The following CCDC198 variants were observed in gnomAD, a reference collection of about 807,000 sequenced individuals.
CCDC198 encodes factor associated with metabolism and energy.
A neutral mutation model predicts 35.6 loss-of-function variants in CCDC198; 18 were observed. The observed-to-expected ratio is 0.51, with a 90% CI of 0.35 to 0.75. The LOEUF is 0.75. CCDC198 is among the 30% of genes least tolerant of loss of function. The probability of loss-of-function intolerance (pLI) is 0.01; values close to 1 mark genes in which losing one functional copy is unlikely to be tolerated. For missense variants in CCDC198, 365 were observed against 343.7 expected (o/e 1.06, Z -0.49); for synonymous variants, 119 against 113.4 (o/e 1.05, Z -0.31).
intron 5 of CCDC198, chr14:57,478,351 C>T: frequency 1.7e-6 from 1 of 571,718 alleles, no homozygotes; most frequent in South Asian, 7.7e-5. Context: ...CTGGCTCTAT[C>T]ACCCTGGGGC....
intron 3 of CCDC198, among the ~76,000 whole-genome samples, 196 bp from the exon 4 acceptor site, chr14:57,481,856 T>A (rs1430451365): frequency 6.6e-6 from 1 of 152,236 alleles, no homozygotes; most frequent in Non-Finnish European, 1.5e-5. Context: ...AAGTGGCTCT[T>A]TGATGTGTAT....
chr14:57,477,717 A>AGAT (rs1432977344), intron 5 of CCDC198, among the ~76,000 whole-genome samples: 1 of 152,064 alleles, frequency 6.6e-6, no homozygotes, highest in Non-Finnish European at 1.5e-5. Context: ...GTTTGTTTTG[A>AGAT]GATGGAGTCT....
intron 2 of CCDC198, among the ~76,000 whole-genome samples, chr14:57,486,518 A>T (rs141223899): frequency 1.4e-4 from 21 of 151,912 alleles, no homozygotes; most frequent in Non-Finnish European, 2.5e-4. Context: ...AGAGATTGAG[A>T]TTCAACAGGT....
intron 5 of CCDC198, among the ~76,000 whole-genome samples, chr14:57,477,578 G>A (rs1395518264): frequency 1.3e-5 from 2 of 152,148 alleles, no homozygotes; most frequent in African/African-American, 4.8e-5. Flanking sequence ...GGGTTATCTA[G>A]TCCATCTAAG....
chr14:57,475,153 C>T (rs183903427), intron 5 of CCDC198, among the ~76,000 whole-genome samples: 82 of 151,420 alleles, frequency 5.4e-4, no homozygotes, highest in African/African-American at 1.6e-3. Flanking sequence ...CCCAGCTACT[C>T]GGGAGGCTGA....
At chr14:57,478,373 C>T in intron 5 of CCDC198, 1 of 784,686 alleles carries the variant, frequency 1.3e-6, no homozygotes, top group Non-Finnish European at 1.5e-6. Flanking sequence ...AATAGTAGCT[C>T]CTACCTTCTA....
At chr14:57,488,581 G>A (rs569523169) in intron 2 of CCDC198, among the ~76,000 whole-genome samples, 1 of 152,190 alleles carries the variant, frequency 6.6e-6, no homozygotes, top group Admixed American at 6.6e-5. Context: ...ATAAGACATA[G>A]TCTTTGCAAC....
chr14:57,480,411 G>C (rs2067142458), intron 5 of CCDC198, 184 bp downstream of exon 5: 3 of 778,882 alleles, frequency 3.9e-6, no homozygotes, highest in Non-Finnish European at 4.7e-6. Context: ...TTAAGCTTCT[G>C]TCTTTTCCTC....
intron 5 of CCDC198, among the ~76,000 whole-genome samples, chr14:57,477,348 G>T (rs2067034578): frequency 6.6e-6 from 1 of 152,126 alleles, no homozygotes; most frequent in African/African-American, 2.4e-5. Context: ...TCAGCAATAG[G>T]CAAGTGAGTT....
At chr14:57,475,741 T>C in intron 5 of CCDC198, 1 of 420,006 alleles carries the variant, frequency 2.4e-6, no homozygotes, top group Non-Finnish European at 4.7e-6. Flanking sequence ...ATTCTATCCT[T>C]CTTCAGTTTT....
intron 2 of CCDC198, among the ~76,000 whole-genome samples, chr14:57,484,276 G>T (rs1002794669): frequency 1.3e-5 from 2 of 152,140 alleles, no homozygotes; most frequent in East Asian, 3.9e-4. Context: ...ATATGATAAC[G>T]TCCTCATTAA....
chr14:57,493,418 G>A (rs1350537973), intron 1 of CCDC198, 75 bp downstream of exon 1: 1 of 1,259,068 alleles, frequency 7.9e-7, no homozygotes, highest in Non-Finnish European at 1.1e-6. Flanking sequence ...TGAGATCATG[G>A]AGACAGTCAG....
At chr14:57,473,261 C>T (rs1318327871) in intron 5 of CCDC198, among the ~76,000 whole-genome samples, 2 of 152,140 alleles carry the variant, frequency 1.3e-5, no homozygotes, top group African/African-American at 2.4e-5. Context: ...TGGCAGATAA[C>T]CATCTTAACG....
chr14:57,472,941 A>G (rs2066866305), intron 5 of CCDC198, among the ~76,000 whole-genome samples: 1 of 152,216 alleles, frequency 6.6e-6, no homozygotes, highest in East Asian at 1.9e-4. Context: ...TGTCATCTTA[A>G]TGATGATTGT....
At position 57,480,605 on chromosome 14, in the gene CCDC198, G is replaced by C; in HGVS notation, c.645C>G (p.Asn215Lys). The C allele has an allele frequency of 1.2e-6, 2 of 1,613,938 alleles. No homozygotes were observed. Among genetic ancestry groups the C allele is most frequent in the Non-Finnish European group, 1.7e-6 (2 of 1,179,964 alleles). The change falls in exon 5 of 6, where the codon AAC becomes AAG. Residue 215 changes from asparagine (N) to lysine (K), a missense_variant. By Grantham distance (94) the Asn-to-Lys change is moderately conservative. Coordinates refer to ENST00000216445, the MANE Select transcript of CCDC198 (RefSeq NM_018168.4). ...LLTMLPDEIL[N>K]RGPGNSKNTE... ...TTGTACATGACTCACCGGGACCTCT[G>C]TTCAAGATTTCATCAGGCAACATGG...
chr14:57,474,501 G>T (rs1054743598), intron 5 of CCDC198, among the ~76,000 whole-genome samples: 3 of 152,152 alleles, frequency 2.0e-5, no homozygotes, highest in African/African-American at 7.2e-5. Flanking sequence ...CACCATTGAT[G>T]TTATGAAAAT....
In CCDC198 at chr14:57,471,025, C is replaced by T. The variant is rs1279674746; in HGVS notation, c.*330G>A. ...AATGGGGCCTCTGGATGACTCCAGT[C>T]TTAGTAGTCCAAATGTAGTCCAATT... is the stretch of plus-strand genomic sequence containing the variant. On this transcript the variant is annotated 3_prime_UTR_variant, in exon 6 of 6. Transcript: ENST00000216445. 8.4e-6 allele frequency: 2 copies of T among 239,024 alleles called. No homozygotes were observed. Among genetic ancestry groups the T allele is most frequent in the Non-Finnish European group, 1.6e-5 (2 of 122,240 alleles). The allele number at this position is 239,024 out of a possible 1,614,324, so 14.8% of individuals were successfully genotyped here.
intron 1 of CCDC198, among the ~76,000 whole-genome samples, chr14:57,492,396 C>A (rs542800871): frequency 2.6e-5 from 4 of 152,060 alleles, no homozygotes; most frequent in African/African-American, 9.6e-5. Flanking sequence ...TCACCAAAAT[C>A]TTAAAACTCT....
chr14:57,490,645 C>T (rs1465967787), intron 2 of CCDC198, among the ~76,000 whole-genome samples: 2 of 152,026 alleles, frequency 1.3e-5, no homozygotes, highest in Non-Finnish European at 2.9e-5. Flanking sequence ...TAGTATCTGA[C>T]TTGTAGTAGG....
Sources: gnomAD v4.1 joint callset for allele counts (sites outside exome capture counted in the v4.1 genomes callset) on GRCh38, gnomAD v4.1.1 for gene constraint, MANE v1.5 for transcripts, NCBI Gene and HGNC (gene_info 2026-07-23, HGNC 2026-07-21) for gene names.